SLAMF1: variants seen among roughly 807,000 people sequenced by gnomAD.
SLAMF1 encodes the protein signaling lymphocytic activation molecule family member 1, also known as signaling lymphocytic activation molecule.
A neutral mutation model predicts 35.1 loss-of-function variants in SLAMF1; 18 were observed. The ratio of observed to expected loss-of-function variants is 0.51; its 90% confidence interval spans 0.35 to 0.76. The LOEUF (loss-of-function observed/expected upper bound fraction) is 0.76. Among genes scored for constraint, SLAMF1 ranks in the 30% least tolerant of loss-of-function variants. SLAMF1 has a pLI of 0.01. For missense variants in SLAMF1, 392 were observed against 413.0 expected, an observed-to-expected ratio of 0.95 and a Z score of 0.44; for synonymous variants, 168 against 157.2, an observed-to-expected ratio of 1.07 and a Z score of -0.51.
chr1:160,627,993 C>T (rs1425841545), intron 3 of SLAMF1, among the ~76,000 whole-genome samples: 3 of 152,158 alleles, frequency 2.0e-5, no homozygotes, highest in Non-Finnish European at 4.4e-5. Context: ...AGCTCCCCTG[C>T]ACAAACTCTC....
chr1:160,636,080 C>A (rs1476852748), intron 2 of SLAMF1, among the ~76,000 whole-genome samples: 1 of 152,196 alleles, frequency 6.6e-6, no homozygotes, highest in Non-Finnish European at 1.5e-5. Context: ...GCAGAGACCA[C>A]ATTTTCCAAA....
chr1:160,644,844 C>A (rs371132932), intron 1 of SLAMF1, among the ~76,000 whole-genome samples: 2 of 152,128 alleles, frequency 1.3e-5, no homozygotes, highest in African/African-American at 4.8e-5. Flanking sequence ...CTAGAACCCA[C>A]GCACTTGTCC....
At position 160,609,432 on chromosome 1, in the gene SLAMF1, T is replaced by C. The variant is rs1254726524; in HGVS notation, c.*1316A>G. 2 of 152,178 alleles carry C rather than the reference T, an allele frequency of 1.3e-5. No individual in the cohort carries two copies. The highest frequency in any genetic ancestry group is 1.3e-4 in the Admixed American group (2 of 15,284). The allele number at this position is 152,178 out of a possible 1,614,324, so 9.4% of individuals were successfully genotyped here. On this transcript the variant is annotated 3_prime_UTR_variant, in exon 7 of 7. Coordinates refer to ENST00000302035, the MANE Select transcript of SLAMF1 (RefSeq NM_003037.5). ...GATGCACTAAGCAACAGGCTTACAATGTGAATTGACCTCATAGAGGAGGTA... is the reference window on the plus strand; with the variant it reads ...GATGCACTAAGCAACAGGCTTACAACGTGAATTGACCTCATAGAGGAGGTA...
chr1:160,636,253 G>A (rs990681800), intron 2 of SLAMF1, among the ~76,000 whole-genome samples: 1 of 152,190 alleles, frequency 6.6e-6, no homozygotes, highest in Non-Finnish European at 1.5e-5. Flanking sequence ...AGGTACCTGG[G>A]GGAGGGCCAT....
At position 160,634,672 on chromosome 1, in the gene SLAMF1, G is replaced by A; in HGVS notation, c.641C>T (p.Pro214Leu). Residue 214 changes from proline to leucine, a missense_variant, in exon 3 of 7, where the codon CCT becomes CTT. Pro to Leu is a moderately conservative substitution (Grantham distance 98). Transcript: ENST00000302035. ...DNIYICTVSN[P>L]ISNNSQTFSP... ...GAAGGTCTGGGAATTGTTGCTGATAGGGTTGCTCACGGTGCAGATGTAGAT... is the reference window on the plus strand; with the variant it reads ...GAAGGTCTGGGAATTGTTGCTGATAAGGTTGCTCACGGTGCAGATGTAGAT... The A allele has an allele frequency of 6.2e-7, 1 of 1,614,068 alleles. No individual in the cohort carries two copies. Among genetic ancestry groups the A allele is most frequent in the South Asian group, 1.1e-5 (1 of 91,070 alleles).
At chr1:160,611,539 G>C (rs1558000096) in intron 6 of SLAMF1, among the ~76,000 whole-genome samples, 1 of 152,150 alleles carries the variant, frequency 6.6e-6, no homozygotes, top group East Asian at 1.9e-4. Flanking sequence ...AAATAAGGTG[G>C]ATGCAGGCAT....
At chr1:160,614,868 A>G (rs1387760823) in intron 5 of SLAMF1, among the ~76,000 whole-genome samples, 1 of 152,116 alleles carries the variant, frequency 6.6e-6, no homozygotes, top group Non-Finnish European at 1.5e-5. Context: ...GTATCTTATT[A>G]TCTTCTGTTA....
chr1:160,623,296 C>T (rs769922727), intron 4 of SLAMF1, among the ~76,000 whole-genome samples: 1 of 152,184 alleles, frequency 6.6e-6, no homozygotes, highest in Non-Finnish European at 1.5e-5. Flanking sequence ...TCACCCATCC[C>T]TCCTACCTGG....
At chr1:160,644,920 A>C (rs1445247091) in intron 1 of SLAMF1, among the ~76,000 whole-genome samples, 1 of 152,200 alleles carries the variant, frequency 6.6e-6, no homozygotes, top group African/African-American at 2.4e-5. Flanking sequence ...AAAAAAACTC[A>C]TTGACATAAG....
chr1:160,640,579 A>C (rs893853629), intron 1 of SLAMF1, among the ~76,000 whole-genome samples: 1 of 151,936 alleles, frequency 6.6e-6, no homozygotes, highest in Non-Finnish European at 1.5e-5. Context: ...CTCTTTCACA[A>C]CTGACTTGTG....
At chr1:160,632,762 A>T (rs1231386091) in intron 3 of SLAMF1, among the ~76,000 whole-genome samples, 1 of 152,176 alleles carries the variant, frequency 6.6e-6, no homozygotes, top group East Asian at 1.9e-4. Context: ...TAAAAAATAC[A>T]TTATATTTTT....
chr1:160,619,223 A>G (rs543396861), intron 5 of SLAMF1, among the ~76,000 whole-genome samples: 1 of 152,184 alleles, frequency 6.6e-6, no homozygotes, highest in Admixed American at 6.5e-5. Context: ...CTGCTTCTCA[A>G]CTTCACCATG....
chr1:160,618,085 A>T (rs1418842237), intron 5 of SLAMF1, among the ~76,000 whole-genome samples: 1 of 152,168 alleles, frequency 6.6e-6, no homozygotes, highest in Non-Finnish European at 1.5e-5. Context: ...AACAAAAAAC[A>T]AAAAACAAAA....
intron 1 of SLAMF1, among the ~76,000 whole-genome samples, chr1:160,638,848 G>A (rs141084058): frequency 6.6e-5 from 10 of 152,242 alleles, no homozygotes; most frequent in African/African-American, 2.2e-4. Context: ...TACTCTCCCG[G>A]TTTTTCTCCT....
At chr1:160,623,032 T>C (rs181737278) in intron 4 of SLAMF1, among the ~76,000 whole-genome samples, 72 of 152,168 alleles carry the variant, frequency 4.7e-4, no homozygotes, top group African/African-American at 1.6e-3. Context: ...GATGGGTATG[T>C]GTGTTGGGGA....
chr1:160,637,020 T>A (rs1057415357), intron 2 of SLAMF1, 171 bp downstream of exon 2: 4 of 595,180 alleles, frequency 6.7e-6, no homozygotes, highest in African/African-American at 1.9e-5. Context: ...GAAAAAAAAA[T>A]GTCAACCTTT....
At chr1:160,620,945 G>C (rs1659577209) in intron 4 of SLAMF1, among the ~76,000 whole-genome samples, 2 of 152,280 alleles carry the variant, frequency 1.3e-5, no homozygotes, top group South Asian at 4.1e-4. Context: ...TGCAGTTTTG[G>C]ATATTTGCTA....
At chr1:160,640,361 C>T (rs868818008) in intron 1 of SLAMF1, among the ~76,000 whole-genome samples, 1,006 of 74,336 alleles carry the variant, frequency 0.014, 5 homozygotes, top group African/African-American at 0.023. Flanking sequence ...TATATATATA[C>T]ACACACACAC....
rs576864361 is a variant in SLAMF1, at chr1:160,624,190, A to G, written c.701-5T>C. 2.6e-6 allele frequency: 4 copies of G among 1,553,796 alleles called. No homozygotes were observed. The African/African-American group carries it at 4.1e-5, about 16-fold the overall frequency. On this transcript the variant is annotated splice_region_variant and splice_polypyrimidine_tract_variant and intron_variant, in intron 3 of 6. Transcript: ENST00000302035. The stretch of plus-strand genomic sequence containing the variant: ...ACACTGCCCATGGTTTTGTTTCTGG[A>G]AAAAAAAAGAAGTCAAAGAGCAATC...
Sources: allele counts gnomAD v4.1 joint callset (sites outside exome capture counted in the v4.1 genomes callset), GRCh38; gene constraint gnomAD v4.1.1; transcripts MANE v1.5; gene names NCBI Gene and HGNC (gene_info 2026-07-23, HGNC 2026-07-21).